FTO: variants seen among roughly 807,000 people sequenced by gnomAD.
The protein encoded by FTO is FTO alpha-ketoglutarate dependent dioxygenase.
Under a neutral mutation model 63.9 loss-of-function variants are expected in FTO, and 47 were observed. The ratio of observed to expected loss-of-function variants is 0.74; its 90% CI spans 0.58 to 0.94. FTO has a LOEUF of 0.94. Ranked by LOEUF, FTO falls within the 40% of genes least tolerant of loss-of-function variation. FTO has a pLI of 0.00. For missense variants in FTO, 562 were observed against 618.1 expected, an observed-to-expected ratio of 0.91 and a Z score of 0.96; for synonymous variants, 207 against 224.4, an observed-to-expected ratio of 0.92 and a Z score of 0.69.
In FTO at chr16:54,112,784, G is replaced by A. The variant is rs897795042; in HGVS notation, c.*869G>A. 2 of 152,160 alleles carry A rather than the reference G, an allele frequency of 1.3e-5. No individual in the cohort carries two copies. Among genetic ancestry groups the A allele is most frequent in the Non-Finnish European group, 2.9e-5 (2 of 68,038 alleles). The allele number at this position is 152,160 out of a possible 1,614,324, so 9.4% of individuals were successfully genotyped here. Reference sequence around the variant, plus strand: ...CCCTTGATCTCTTGAAAGAGACACAGCCCCATTTACATTATTTCGTGGATT... The same window carrying A: ...CCCTTGATCTCTTGAAAGAGACACAACCCCATTTACATTATTTCGTGGATT... On this transcript the variant is annotated 3_prime_UTR_variant, in exon 9 of 9. Transcript: ENST00000471389.
intron 8 of FTO, among the ~76,000 whole-genome samples, chr16:53,967,068 G>C (rs993765225): frequency 2.0e-5 from 3 of 152,160 alleles, no homozygotes; most frequent in African/African-American, 7.2e-5. Context: ...TTATAATAAG[G>C]ATAGCTTTGT....
chr16:53,963,006 A>G (rs1042937905), intron 8 of FTO, among the ~76,000 whole-genome samples: 3 of 152,056 alleles, frequency 2.0e-5, no homozygotes, highest in African/African-American at 4.8e-5. Flanking sequence ...CATTTTCATC[A>G]AAACTAAACT....
At chr16:54,089,623 C>T (rs2086331183) in intron 8 of FTO, among the ~76,000 whole-genome samples, 1 of 152,062 alleles carries the variant, frequency 6.6e-6, no homozygotes, top group Admixed American at 6.5e-5. Flanking sequence ...GAAAATATTG[C>T]AAATCATATA....
chr16:53,884,674 G>A (rs770083644), intron 6 of FTO, among the ~76,000 whole-genome samples: 7 of 152,190 alleles, frequency 4.6e-5, no homozygotes, highest in Non-Finnish European at 1.0e-4. Flanking sequence ...TGGTGATAAA[G>A]TGGCTCAGAA....
At chr16:54,084,277 A>G (rs1481258472) in intron 8 of FTO, among the ~76,000 whole-genome samples, 1 of 152,244 alleles carries the variant, frequency 6.6e-6, no homozygotes, top group Non-Finnish European at 1.5e-5. Flanking sequence ...AAAACAAAGT[A>G]GCAGGTACTT....
At chr16:53,881,522 A>C (rs1347644625) in intron 6 of FTO, among the ~76,000 whole-genome samples, 1 of 152,190 alleles carries the variant, frequency 6.6e-6, no homozygotes, top group Non-Finnish European at 1.5e-5. Context: ...CAAGAGACTC[A>C]TGAAGAATAG....
intron 7 of FTO, among the ~76,000 whole-genome samples, chr16:53,921,776 A>G (rs78444121): frequency 0.052 from 7,923 of 152,088 alleles, 295 homozygotes; most frequent in Non-Finnish European, 0.076. Context: ...CATTTTCTTT[A>G]TTGAAGGTTT....
chr16:53,950,431 A>G (rs1163084482), intron 8 of FTO, among the ~76,000 whole-genome samples: 1 of 152,194 alleles, frequency 6.6e-6, no homozygotes, highest in Non-Finnish European at 1.5e-5. Context: ...GAAATGTTTT[A>G]CAATTGTATA....
chr16:53,809,983 T>C (rs2078478095), intron 1 of FTO, among the ~76,000 whole-genome samples, 157 bp from the exon 2 acceptor site: 2 of 152,104 alleles, frequency 1.3e-5, no homozygotes, highest in Non-Finnish European at 2.9e-5. Flanking sequence ...TTAATTAATA[T>C]ATTTTATAAT....
At chr16:53,726,239 TTAAA>T (rs1007760907) in intron 1 of FTO, among the ~76,000 whole-genome samples, 1 of 152,232 alleles carries the variant, frequency 6.6e-6, no homozygotes, top group African/African-American at 2.4e-5. Context: ...TTATTTTTCA[TTAAA>T]TAAAATTCTA....
intron 2 of FTO, among the ~76,000 whole-genome samples, chr16:53,814,511 G>T (rs910468714): frequency 2.6e-5 from 4 of 152,176 alleles, no homozygotes; most frequent in African/African-American, 4.8e-5. Flanking sequence ...GGACAGAGAG[G>T]TTCAAAAATT....
chr16:53,962,176 G>T (rs982293618), intron 8 of FTO, among the ~76,000 whole-genome samples: 3 of 152,188 alleles, frequency 2.0e-5, no homozygotes, highest in African/African-American at 7.2e-5. Flanking sequence ...TTGCATAGAA[G>T]ATCATTTCTT....
intron 8 of FTO, among the ~76,000 whole-genome samples, chr16:53,951,078 C>T (rs894809969): frequency 6.6e-5 from 10 of 152,164 alleles, no homozygotes; most frequent in Non-Finnish European, 7.4e-5. Flanking sequence ...GCTTGTTTTT[C>T]GTAAGTAATT....
chr16:53,712,435 T>C (rs1017803475), intron 1 of FTO, among the ~76,000 whole-genome samples: 1 of 152,250 alleles, frequency 6.6e-6, no homozygotes, highest in Admixed American at 6.5e-5. Flanking sequence ...AAGCCTTTAA[T>C]CACTGTTTCG....
chr16:54,010,042 A>G (rs1343755374), intron 8 of FTO, among the ~76,000 whole-genome samples: 1 of 152,166 alleles, frequency 6.6e-6, no homozygotes, highest in African/African-American at 2.4e-5. Flanking sequence ...ACATTGAGCT[A>G]ATGTAGCCAT....
At position 54,119,639 on chromosome 16, in the gene FTO, C is replaced by G. The variant is rs1412516357; in HGVS notation, c.*7724C>G. 6.6e-6 allele frequency: 1 copy of G among 151,858 alleles called. No individual in the cohort carries two copies. The highest frequency in any genetic ancestry group is 1.9e-4 in the East Asian group (1 of 5,136). 9.4% of individuals were successfully genotyped at this position (151,858 alleles called of 1,614,324 possible). On this transcript the variant is annotated 3_prime_UTR_variant, in exon 9 of 9. Coordinates refer to ENST00000471389, the MANE Select transcript of FTO (RefSeq NM_001080432.3). ...ACGTTTAGTTTTCTTTTCTCAAAAT[C>G]AAAACAGAGTTTAGTAGGCAGCGTA...
chr16:53,785,639 C>T (rs556201835), intron 1 of FTO, among the ~76,000 whole-genome samples: 152 of 152,094 alleles, frequency 1.0e-3, no homozygotes, highest in African/African-American at 3.5e-3. Flanking sequence ...TAGCTGGGCG[C>T]GGTGGCTCAT....
chr16:54,098,615 ACT>A (rs1181470201), intron 8 of FTO, among the ~76,000 whole-genome samples: 1 of 152,184 alleles, frequency 6.6e-6, no homozygotes, highest in Non-Finnish European at 1.5e-5. Flanking sequence ...AGTGGATTAT[ACT>A]CACTGGCAGT....
intron 3 of FTO, among the ~76,000 whole-genome samples, chr16:53,835,715 G>A (rs2079270408): frequency 1.3e-5 from 2 of 151,772 alleles, no homozygotes; most frequent in Admixed American, 6.6e-5. Flanking sequence ...TTCTTGAATT[G>A]CTTTGTTAGT....
Sources: allele counts gnomAD v4.1 joint callset (sites outside exome capture counted in the v4.1 genomes callset), GRCh38; gene constraint gnomAD v4.1.1; transcripts MANE v1.5; gene names NCBI Gene and HGNC (gene_info 2026-07-23, HGNC 2026-07-21).